Variants in MYO5C observed in about 807,000 individuals in gnomAD.
MYO5C encodes the protein myosin VC.
In MYO5C, 194 loss-of-function variants were observed where a neutral mutation model predicts 235.7. That is an observed-to-expected ratio of 0.82 (90% confidence interval 0.73 to 0.93). The LOEUF is 0.93. MYO5C is among the 40% of genes least tolerant of loss of function. MYO5C has a pLI of 0.00. For synonymous variants in MYO5C, 707 were observed against 754.8 expected, an observed-to-expected ratio of 0.94 and a Z score of 1.04; for missense variants, 2,038 against 2,127.2, an observed-to-expected ratio of 0.96 and a Z score of 0.82.
rs1349755844 is a variant in MYO5C, at chr15:52,242,140, G to A, written c.2464C>T (p.Leu822Phe). 6.2e-7 allele frequency: 1 copy of A among 1,614,084 alleles called. No homozygotes were observed. Among genetic ancestry groups the A allele is most frequent in the Non-Finnish European group, 8.5e-7 (1 of 1,180,028 alleles). Residue 822 changes from leucine (L) to phenylalanine (F), a missense_variant, in exon 20 of 41, where the codon CTT becomes TTT. Transcript: ENST00000261839. ...IIIQKHCRGYLVRSLYQLIRM... is the reference protein window; with the variant it reads ...IIIQKHCRGYFVRSLYQLIRM... ...ATCAACTGATACAGGCTGCGAACAA[G>A]ATACCCGCGGCAGTGCTTCTGAATG...
intron 14 of MYO5C, among the ~76,000 whole-genome samples, chr15:52,248,111 A>G (rs918504294): frequency 7.9e-5 from 12 of 152,092 alleles, no homozygotes; most frequent in African/African-American, 2.7e-4. Context: ...TAAATGTCTT[A>G]TCTTCTCTCA....
chr15:52,193,941 G>T lies in MYO5C; in HGVS notation c.5190C>A (p.Ile1730=), dbSNP rs772440681. Residue 1730 remains isoleucine (I), a synonymous_variant, in exon 41 of 41, where the codon ATC becomes ATA. Coordinates refer to ENST00000261839, the MANE Select transcript of MYO5C (RefSeq NM_018728.4). ...PSPHALEMIQ[I]PSSFKLGFLN... ...GAAAGCCTAGCTTGAAACTGCTGGGGATCTGAATCATTTCCAGAGCATGTG... is the reference window on the plus strand; with the variant it reads ...GAAAGCCTAGCTTGAAACTGCTGGGTATCTGAATCATTTCCAGAGCATGTG... 1.9e-6 allele frequency: 3 copies of T among 1,613,206 alleles called. No homozygotes were observed. In the African/African-American group the frequency reaches 4.0e-5, roughly 22 times the overall value.
intron 17 of MYO5C, among the ~76,000 whole-genome samples, 170 bp downstream of exon 17, chr15:52,245,786 A>T (rs890735680): frequency 3.3e-4 from 50 of 152,340 alleles, no homozygotes; most frequent in Non-Finnish European, 6.8e-4. Flanking sequence ...ACCCCTACAA[A>T]GCCTATTTCT....
rs1437530565 is a variant in MYO5C at position 52,235,823 on chromosome 15, A to G, written c.2869-60T>C. 4 of 1,077,422 alleles carry G rather than the reference A, an allele frequency of 3.7e-6. No individual in the cohort carries two copies. The South Asian group carries it at 4.2e-5, about 11-fold the overall frequency. The allele number at this position is 1,077,422 out of a possible 1,614,324, so 66.7% of individuals were successfully genotyped here. ...GAAAACCTCACTTCAAGTTGTCACC[A>G]TTGCCTTTCTTCACAAAAAGATGTA... On this transcript the variant is annotated intron_variant, in intron 22 of 40. Coordinates refer to ENST00000261839, the MANE Select transcript of MYO5C (RefSeq NM_018728.4).
chr15:52,279,105 C>T (rs1177924402), intron 3 of MYO5C, 88 bp from the exon 4 acceptor site: 21 of 1,385,762 alleles, frequency 1.5e-5, no homozygotes, highest in South Asian at 2.7e-5. Flanking sequence ...CCAGCTCTGT[C>T]GCTTATTAAA....
intron 1 of MYO5C, 41 bp downstream of exon 1, chr15:52,295,569 C>T: frequency 6.7e-7 from 1 of 1,498,778 alleles, no homozygotes; most frequent in Non-Finnish European, 8.9e-7. Flanking sequence ...GCAGGGCCGG[C>T]TCCCCCACAG....
At chr15:52,289,324 C>T (rs1046417261) in intron 1 of MYO5C, among the ~76,000 whole-genome samples, 2 of 137,294 alleles carry the variant, frequency 1.5e-5, no homozygotes. Context: ...CCACCCAGAT[C>T]GTGCACTGGA....
chr15:52,233,070 G>A lies in MYO5C; in HGVS notation c.2963-385C>T, dbSNP rs1301054977. ...CGAGGCGGGCGGATCACGAGGTCAG[G>A]AGATCAAGACCATCCCGGCTAAAAC... On this transcript the variant is annotated intron_variant, in intron 23 of 40. Transcript: ENST00000261839. 1.8e-4 allele frequency among the ~76,000 whole-genome samples: 9 copies of A among 49,150 alleles called. 3 individuals are homozygous for A. The highest frequency in any genetic ancestry group is 3.2e-4 in the African/African-American group (9 of 27,846). 32.2% of individuals were successfully genotyped at this position (49,150 alleles called of 152,430 possible).
At chr15:52,242,262 C>G in intron 19 of MYO5C, 49 bp from the exon 20 acceptor site, 1 of 1,557,208 alleles carries the variant, frequency 6.4e-7, no homozygotes, top group Non-Finnish European at 8.7e-7. Context: ...AGAGCATCAA[C>G]TTCCATAACA....
intron 24 of MYO5C, among the ~76,000 whole-genome samples, chr15:52,230,876 G>A (rs1385261274): frequency 6.8e-6 from 1 of 146,160 alleles, no homozygotes; most frequent in Non-Finnish European, 1.5e-5. Flanking sequence ...CGCCCAGGCA[G>A]GAGTGCGGTG....
At chr15:52,238,042 C>T (rs1021089004) in intron 21 of MYO5C, among the ~76,000 whole-genome samples, 2 of 152,020 alleles carry the variant, frequency 1.3e-5, no homozygotes, top group African/African-American at 4.8e-5. Flanking sequence ...AGCCCTAGTC[C>T]AATAAGATTG....
chr15:52,248,586 T>TCACACA (rs35030676), intron 14 of MYO5C, 114 bp downstream of exon 14: 46 of 646,888 alleles, frequency 7.1e-5, no homozygotes, highest in East Asian at 8.9e-5. Flanking sequence ...TCCAGAGAGT[T>TCACACA]CACACACACA....
chr15:52,286,201 C>T (rs1303445667), intron 1 of MYO5C, among the ~76,000 whole-genome samples: 1 of 151,764 alleles, frequency 6.6e-6, no homozygotes, highest in East Asian at 1.9e-4. Context: ...GCCCGGCAGC[C>T]GCCCCGTCCG....
chr15:52,282,549 C>T (rs1244104617), intron 2 of MYO5C, among the ~76,000 whole-genome samples: 1 of 152,218 alleles, frequency 6.6e-6, no homozygotes, highest in East Asian at 1.9e-4. Flanking sequence ...TGCAGCTGGG[C>T]CCTCATTACA....
Position 52,245,356 on chromosome 15 carries a change from G to A in MYO5C, c.2176C>T (p.Gln726Ter), listed in dbSNP as rs377409575. 3 of 1,609,108 alleles carry A rather than the reference G, an allele frequency of 1.9e-6. No homozygotes were observed. The highest frequency in any genetic ancestry group is 1.3e-5 in the African/African-American group (1 of 74,962). Residue 726 changes from glutamine to a stop codon, truncating the protein, a stop_gained and splice_region_variant, in exon 18 of 41, where the codon CAG becomes TAG. Coordinates refer to ENST00000261839, the MANE Select transcript of MYO5C (RefSeq NM_018728.4). LOFTEE classifies it high-confidence loss of function. The part of the protein sequence containing the change: ...VCKVVLHRLI[Q>*]DSNQYQFGKT... ...TCCCAGGAGGTGGGGAAACTGACCT[G>A]GATGAGTCTGTGTAAAACCACCTTG... is the stretch of plus-strand genomic sequence containing the variant.
rs577392290 is a variant in MYO5C at position 52,238,671 on chromosome 15, G to C, written c.2704-1025C>G. Among the ~76,000 whole-genome samples, 11 of 152,152 alleles carry C rather than the reference G, an allele frequency of 7.2e-5. No individual in the cohort carries two copies. The South Asian group carries it at 2.3e-3, about 32-fold the overall frequency. ...TGCCTGTTTTTTGAGATGGAGTCTC[G>C]TTCTCTGTTGCCCAGGCTGGAGTGC... On this transcript the variant is annotated intron_variant, in intron 21 of 40. Transcript: ENST00000261839.
In MYO5C at chr15:52,205,916, A is replaced by T; in HGVS notation, c.4437T>A (p.Asn1479Lys). The T allele has an allele frequency of 6.3e-7, 1 of 1,599,650 alleles. No homozygotes were observed. Among genetic ancestry groups the T allele is most frequent in the Non-Finnish European group, 8.5e-7 (1 of 1,172,748 alleles). Residue 1479 changes from asparagine to lysine, a missense_variant, in exon 37 of 41, where the codon AAT (asparagine) becomes AAA (lysine). By Grantham distance (94) the Asn-to-Lys change is moderately conservative. Transcript: ENST00000261839. ...TCTGTCTGTATTCTGAAAGGTCAAAATTGTTCAAGCAATTCTTATTCTGCT... is the reference window on the plus strand; with the variant it reads ...TCTGTCTGTATTCTGAAAGGTCAAATTTGTTCAAGCAATTCTTATTCTGCT... ...SPQQNKNCLN[N>K]FDLSEYRQIL...
rs2034952204 is a variant in MYO5C at position 52,192,605 on chromosome 15, G to C, written c.*1297C>G. On this transcript the variant is annotated 3_prime_UTR_variant, in exon 41 of 41. Coordinates refer to ENST00000261839, the MANE Select transcript of MYO5C (RefSeq NM_018728.4). ...ACTGGATCCACAGGCCAGAGACTAG[G>C]AGTGCTTATCAAATGAGGTTTTAGG... 6.6e-6 allele frequency: 1 copy of C among 152,150 alleles called. No homozygotes were observed. Among genetic ancestry groups the C allele is most frequent in the South Asian group, 2.1e-4 (1 of 4,820 alleles). The allele number at this position is 152,150 out of a possible 1,614,324, so 9.4% of individuals were successfully genotyped here.
At chr15:52,275,470 G>T (rs536518339) in intron 5 of MYO5C, 92 bp downstream of exon 5, 1 of 1,495,398 alleles carries the variant, frequency 6.7e-7, no homozygotes, top group East Asian at 2.3e-5. Flanking sequence ...GTCTTTAAAG[G>T]GTGGGAACTT....
Sources: gnomAD v4.1 joint callset for allele counts (sites outside exome capture counted in the v4.1 genomes callset) on GRCh38, gnomAD v4.1.1 for gene constraint, MANE v1.5 for transcripts, NCBI Gene and HGNC (gene_info 2026-07-23, HGNC 2026-07-21) for gene names.